CAPN15: variants seen among roughly 807,000 people sequenced by gnomAD.
CAPN15 encodes the protein calpain-15.
CAPN15 carries 53 observed loss-of-function variants against 97.9 expected under a neutral mutation model. The ratio of observed to expected loss-of-function variants is 0.54; its 90% CI spans 0.43 to 0.68. The LOEUF is 0.68. Ranked by LOEUF, CAPN15 falls within the 30% of genes least tolerant of loss-of-function variation. The pLI is 0.00. For synonymous variants in CAPN15, 922 were observed against 722.5 expected (o/e 1.28, Z -4.43); for missense variants, 1,592 against 1,589.8 (o/e 1.00, Z -0.02).
Position 553,821 on chromosome 16 carries a change from T to G in CAPN15, c.*305T>G. ...ACGGGGGCCGAGGCCAGGCTGCCCC[T>G]CCCTGTGGGCTCAGGGTCTCCTGCG... On this transcript the variant is annotated 3_prime_UTR_variant, in exon 14 of 14. Coordinates refer to ENST00000219611, the MANE Select transcript of CAPN15 (RefSeq NM_005632.3). The G allele has an allele frequency of 4.1e-5, 12 of 289,568 alleles. No individual in the cohort carries two copies. The highest frequency in any genetic ancestry group is 5.2e-5 in the Non-Finnish European group (8 of 154,812). 17.9% of individuals were successfully genotyped at this position (289,568 alleles called of 1,614,324 possible).
chr16:554,345 C>G lies in CAPN15; in HGVS notation c.*829C>G, dbSNP rs1012717843. On this transcript the variant is annotated 3_prime_UTR_variant, in exon 14 of 14. Transcript: ENST00000219611. Reference sequence around the variant, plus strand: ...TGTGTGGACGTCTGAGCCCAGCTTTCTGCGTGCCCTCCTGGCCCCTCACTC... The same window carrying G: ...TGTGTGGACGTCTGAGCCCAGCTTTGTGCGTGCCCTCCTGGCCCCTCACTC... The G allele has an allele frequency of 2.2e-5, 8 of 371,906 alleles. No individual in the cohort carries two copies. Among genetic ancestry groups the G allele is most frequent in the African/African-American group, 1.7e-4 (8 of 47,042 alleles). The allele number at this position is 371,906 out of a possible 1,614,324, so 23.0% of individuals were successfully genotyped here. A position where few individuals can be genotyped will look rare whatever the true frequency, so the allele number is the denominator to read the frequency against.
At chr16:544,766 CCTCCCCCACGT>C (rs1425672215) in intron 3 of CAPN15, among the ~76,000 whole-genome samples, 9 of 50,774 alleles carry the variant, frequency 1.8e-4, no homozygotes, top group African/African-American at 7.3e-4. Context: ...CCCCACGTCG[CCTCCCCCACGT>C]CGTCTCCCCC....
intron 13 of CAPN15, 106 bp from the exon 14 acceptor site, chr16:553,233 G>A (rs535912112): frequency 7.3e-5 from 42 of 572,950 alleles, no homozygotes; most frequent in South Asian, 2.6e-4. Flanking sequence ...ACCCCTGTAC[G>A]GGTGTTTGTC....
At position 554,384 on chromosome 16, in the gene CAPN15, G is replaced by C. The variant is rs974876861; in HGVS notation, c.*868G>C. On this transcript the variant is annotated 3_prime_UTR_variant, in exon 14 of 14. Coordinates refer to ENST00000219611, the MANE Select transcript of CAPN15 (RefSeq NM_005632.3). The stretch of plus-strand genomic sequence containing the variant: ...GGCCCCTCACTCCCGGCAGCGGGCC[G>C]GCCTCGCCCCCACTCCCCCTCCTAC... 1.7e-5 allele frequency: 7 copies of C among 402,414 alleles called. No homozygotes were observed. The highest frequency in any genetic ancestry group is 1.3e-4 in the South Asian group (7 of 55,364). The allele number at this position is 402,414 out of a possible 1,614,324, so 24.9% of individuals were successfully genotyped here.
In CAPN15 at chr16:547,504, C is replaced by G; in HGVS notation, c.666C>G (p.Ala222=). Residue 222 remains alanine, a synonymous_variant, in exon 4 of 14, where the codon GCC becomes GCG. Coordinates refer to ENST00000219611, the MANE Select transcript of CAPN15 (RefSeq NM_005632.3). The part of the protein sequence containing the change: ...NPPATSQGPA[A]EPEPPRVPPF... ...CAGCCACCAGCCAGGGCCCAGCTGC[C>G]GAACCAGAGCCGCCCAGGGTCCCGC... is the stretch of plus-strand genomic sequence containing the variant. 1.9e-6 allele frequency: 3 copies of G among 1,598,156 alleles called. No homozygotes were observed. Among genetic ancestry groups the G allele is most frequent in the South Asian group, 1.1e-5 (1 of 91,000 alleles).
In CAPN15 at chr16:552,135, C is replaced by T. The variant is rs563788260; in HGVS notation, c.2430C>T (p.Ser810=). 152 of 1,547,762 alleles carry T rather than the reference C, an allele frequency of 9.8e-5. No homozygotes were observed. Among genetic ancestry groups the T allele is most frequent in the Admixed American group, 6.5e-4 (33 of 50,886 alleles). ...RVQGCFPSSA[S]APVGVTALTV... The stretch of plus-strand genomic sequence containing the variant: ...AGGGCTGCTTTCCCAGCTCGGCCAG[C>T]GCGCCCGTGGGGGTAACAGCGCTCA... Residue 810 remains serine (S), a synonymous_variant, in exon 10 of 14, where the codon AGC becomes AGT. Coordinates refer to ENST00000219611, the MANE Select transcript of CAPN15 (RefSeq NM_005632.3). This position sits in a 1 kb window ranked among gnomAD's most constrained non-coding sequence, Gnocchi z 6.4.
chr16:531,775 C>T (rs59047791), intron 1 of CAPN15, among the ~76,000 whole-genome samples: 6,957 of 145,292 alleles, frequency 0.048, 766 homozygotes, highest in African/African-American at 0.18. Flanking sequence ...GGCCCCCGTC[C>T]CCTTCTCTGG....
intron 3 of CAPN15, among the ~76,000 whole-genome samples, chr16:540,988 G>A (rs543632448): frequency 5.3e-5 from 8 of 152,310 alleles, no homozygotes; most frequent in African/African-American, 9.6e-5. Flanking sequence ...TCAGGGGCCC[G>A]GGGCCTCGGG....
chr16:551,706 C>T (rs2035092138), intron 9 of CAPN15, 42 bp downstream of exon 9: 1 of 1,578,878 alleles, frequency 6.3e-7, no homozygotes. Flanking sequence ...CCCCCGCCCT[C>T]CTAGGGCCGA....
At position 552,034 on chromosome 16, in the gene CAPN15, C is replaced by G. The variant is rs753516511; in HGVS notation, c.2346-17C>G. The G allele has an allele frequency of 6.5e-7, 1 of 1,546,668 alleles. No individual in the cohort carries two copies. The highest frequency in any genetic ancestry group is 8.7e-7 in the Non-Finnish European group (1 of 1,145,894). ...GGCCGTGGTAGGCTCAGGGCCCCGT[C>G]CTCCCGCCACCTGCAGGTACTTCGA... On this transcript the variant is annotated splice_polypyrimidine_tract_variant and intron_variant, in intron 9 of 13. Transcript: ENST00000219611. The surrounding 1 kb of genome is among the most constrained non-coding windows in gnomAD (Gnocchi z 6.4).
Position 548,245 on chromosome 16 carries a change from G to A in CAPN15, c.1407G>A (p.Glu469=), listed in dbSNP as rs201045274. 7 of 1,549,462 alleles carry A rather than the reference G, an allele frequency of 4.5e-6. No individual in the cohort carries two copies. Among genetic ancestry groups the A allele is most frequent in the Middle Eastern group, 3.4e-4 (2 of 5,936 alleles). ...AGCGGCGGCAGACAGACGAGGGCGA[G>A]GCCAAGGCACTCTGGGAGAACATCG... ...VEQRRQTDEG[E]AKALWENIVA... The change falls in exon 4 of 14, where the codon GAG becomes GAA. Residue 469 remains glutamate (E), a synonymous_variant. Coordinates refer to ENST00000219611, the MANE Select transcript of CAPN15 (RefSeq NM_005632.3).
chr16:531,042 G>A lies in CAPN15; in HGVS notation c.-189-2904G>A, dbSNP rs376031936. Among the ~76,000 whole-genome samples the A allele has an allele frequency of 8.5e-5, 13 of 152,340 alleles. No homozygotes were observed. The East Asian group carries it at 2.5e-3, about 29-fold the overall frequency. Reference sequence around the variant, plus strand: ...CCGCCTCCCTGGCGGTCCTAGACGGGATGTCAGGAGGACGCAGGGCCATCG... The same window carrying A: ...CCGCCTCCCTGGCGGTCCTAGACGGAATGTCAGGAGGACGCAGGGCCATCG... On this transcript the variant is annotated intron_variant, in intron 1 of 13. Transcript: ENST00000219611.
At position 549,355 on chromosome 16, in the gene CAPN15, A is replaced by G. The variant is rs1199428801; in HGVS notation, c.1726A>G (p.Ser576Gly). 6.3e-6 allele frequency: 10 copies of G among 1,596,910 alleles called. No individual in the cohort carries two copies. The African/African-American group carries it at 1.2e-4, about 19-fold the overall frequency. Residue 576 changes from serine (S) to glycine (G), a missense_variant, in exon 6 of 14, where the codon AGC (serine) becomes GGC (glycine). Around this residue, in one of 3 missense-constraint regions of CAPN15, gnomAD observed 65 missense variants for 113.7 expected, o/e 0.57. Coordinates refer to ENST00000219611, the MANE Select transcript of CAPN15 (RefSeq NM_005632.3). ...GGTGGAGCGGGTGATGGTCACGCGC[A>G]GCCTGTGTGCAGAGGGCGCCTACCA... ...DLVERVMVTR[S>G]LCAEGAYQVR...
rs866251979 is a variant in CAPN15 at position 553,096 on chromosome 16, C to T, written c.3083+55C>T. On this transcript the variant is annotated intron_variant, in intron 13 of 13. Coordinates refer to ENST00000219611, the MANE Select transcript of CAPN15 (RefSeq NM_005632.3). Reference sequence around the variant, plus strand: ...TGCACAGGTGCCCCCTCCCCTACCCCGCTGCACCCACACCCAACTCGTGCC... The same window carrying T: ...TGCACAGGTGCCCCCTCCCCTACCCTGCTGCACCCACACCCAACTCGTGCC... 4.3e-5 allele frequency: 44 copies of T among 1,012,396 alleles called. No homozygotes were observed. In the Middle Eastern group the frequency reaches 1.4e-3, roughly 32 times the overall value. The allele number at this position is 1,012,396 out of a possible 1,614,324, so 62.7% of individuals were successfully genotyped here. A position where few individuals can be genotyped will look rare whatever the true frequency, so the allele number is the denominator to read the frequency against.
In CAPN15 at chr16:553,825, T is replaced by G; in HGVS notation, c.*309T>G. 1.1e-5 allele frequency: 3 copies of G among 283,644 alleles called. No individual in the cohort carries two copies. The highest frequency in any genetic ancestry group is 1.3e-5 in the Non-Finnish European group (2 of 151,114). 17.6% of individuals were successfully genotyped at this position (283,644 alleles called of 1,614,324 possible). On this transcript the variant is annotated 3_prime_UTR_variant, in exon 14 of 14. Transcript: ENST00000219611. ...GGGCCGAGGCCAGGCTGCCCCTCCC[T>G]GTGGGCTCAGGGTCTCCTGCGGGCT... is the stretch of plus-strand genomic sequence containing the variant.
rs145104702 is a variant in CAPN15, at chr16:535,837, G to A, written c.-136-192G>A. Among the ~76,000 whole-genome samples, 205 of 152,252 alleles carry A rather than the reference G, an allele frequency of 1.3e-3. 3 individuals carry two copies. The East Asian group carries it at 0.036, about 27-fold the overall frequency. On this transcript the variant is annotated intron_variant, in intron 2 of 13. Coordinates refer to ENST00000219611, the MANE Select transcript of CAPN15 (RefSeq NM_005632.3). The surrounding 1 kb of genome is among the most constrained non-coding windows in gnomAD (Gnocchi z 6.2). Reference sequence around the variant, plus strand: ...GGCCCGGGGGGCACATGCAGCTCACGGGAGCAGCACAGATGCTTGGCCGGC... The same window carrying A: ...GGCCCGGGGGGCACATGCAGCTCACAGGAGCAGCACAGATGCTTGGCCGGC...
intron 2 of CAPN15, among the ~76,000 whole-genome samples, chr16:534,236 G>GCCGTGGTCC (rs2033531840): frequency 1.0e-4 from 3 of 30,120 alleles, no homozygotes; most frequent in African/African-American, 1.3e-3. Context: ...CCCGACAGGG[G>GCCGTGGTCC]TGTTTGTCCC....
rs1486633087 is a variant in CAPN15 at position 552,832 on chromosome 16, C to T, written c.2905-31C>T. On this transcript the variant is annotated intron_variant, in intron 12 of 13. Coordinates refer to ENST00000219611, the MANE Select transcript of CAPN15 (RefSeq NM_005632.3). This position sits in a 1 kb window ranked among gnomAD's most constrained non-coding sequence, Gnocchi z 6.4. ...AGGGGGAGTATGCCCCAGCACCTCC[C>T]CTGCCCCACAACTGCCATTCCTGTG... The T allele has an allele frequency of 1.3e-6, 2 of 1,576,154 alleles. No individual in the cohort carries two copies. The highest frequency in any genetic ancestry group is 1.7e-5 in the Admixed American group (1 of 57,242).
intron 3 of CAPN15, among the ~76,000 whole-genome samples, chr16:545,385 A>G (rs557604817): frequency 4.0e-5 from 6 of 151,618 alleles, no homozygotes; most frequent in Non-Finnish European, 8.8e-5. Flanking sequence ...GCCCACCGAG[A>G]GAGGCCGGCA....
Sources: allele counts gnomAD v4.1 joint callset (sites outside exome capture counted in the v4.1 genomes callset), GRCh38; gene constraint gnomAD v4.1.1; regional missense constraint gnomAD v4.1.1; non-coding constraint Gnocchi (gnomAD v3.1); transcripts MANE v1.5; gene names NCBI Gene and HGNC (gene_info 2026-07-23, HGNC 2026-07-21).